The following SHANK2 variants were observed in gnomAD, a reference collection of about 807,000 sequenced individuals.
SHANK2 encodes the protein SH3 and multiple ankyrin repeat domains 2, also known as SH3 and multiple ankyrin repeat domains protein 2.
Under a neutral mutation model 133.7 loss-of-function variants are expected in SHANK2, and 43 were observed. The observed-to-expected ratio is 0.32, with a 90% CI of 0.25 to 0.41. SHANK2 has a LOEUF of 0.41. SHANK2 is among the 10% of genes least tolerant of loss of function. SHANK2 has a pLI of 1.00. For missense variants in SHANK2, 1,994 were observed against 2,235.8 expected (o/e 0.89, Z 2.18); for synonymous variants, 1,017 against 952.8 (o/e 1.07, Z -1.24).
intron 10 of SHANK2, among the ~76,000 whole-genome samples, chr11:70,937,839 G>A (rs1214662372): frequency 6.6e-6 from 1 of 152,030 alleles, no homozygotes; most frequent in East Asian, 1.9e-4. Context: ...CAGTCCCAGA[G>A]GCAGAATCTC....
chr11:70,663,647 AG>A (rs1190177219), intron 15 of SHANK2, among the ~76,000 whole-genome samples: 1 of 152,088 alleles, frequency 6.6e-6, no homozygotes, highest in East Asian at 1.9e-4. Flanking sequence ...AGCAGCTGGG[AG>A]GGGGGTTCTG....
intron 11 of SHANK2, among the ~76,000 whole-genome samples, chr11:70,840,340 C>T (rs565846930): frequency 7.2e-5 from 11 of 152,346 alleles, no homozygotes; most frequent in Non-Finnish European, 1.5e-4. Context: ...GACCCACCTG[C>T]GTGTTCTGGG....
intron 10 of SHANK2, chr11:70,907,633 T>C (rs1192320215): frequency 4.7e-6 from 1 of 212,034 alleles, no homozygotes; most frequent in Non-Finnish European, 9.8e-6. Context: ...AAGGAGATGA[T>C]ATCATGGCTA....
chr11:70,937,014 C>G (rs1950580889), intron 10 of SHANK2, among the ~76,000 whole-genome samples: 1 of 152,178 alleles, frequency 6.6e-6, no homozygotes, highest in Non-Finnish European at 1.5e-5. Flanking sequence ...TCACTGTTAG[C>G]TGTCGCTTTT....
At chr11:70,655,288 T>G (rs551260) in intron 17 of SHANK2, among the ~76,000 whole-genome samples, 58,662 of 152,148 alleles carry the variant, frequency 0.39, 11,768 homozygotes, top group African/African-American at 0.49. Flanking sequence ...TCTTTTTACC[T>G]TTTGCCCATT....
chr11:70,902,478 G>A (rs182318044), intron 10 of SHANK2, among the ~76,000 whole-genome samples: 111 of 152,348 alleles, frequency 7.3e-4, no homozygotes, highest in African/African-American at 2.4e-3. Flanking sequence ...GGGATTTCTC[G>A]CTGTGCCCTT....
intron 8 of SHANK2, among the ~76,000 whole-genome samples, chr11:71,079,556 C>T (rs1012235413): frequency 1.8e-4 from 28 of 151,790 alleles, no homozygotes; most frequent in African/African-American, 5.6e-4. Context: ...GTCAGGAGAT[C>T]GAGACCATCC....
intron 10 of SHANK2, among the ~76,000 whole-genome samples, chr11:70,919,506 C>T (rs1950318617): frequency 6.6e-6 from 1 of 152,116 alleles, no homozygotes; most frequent in African/African-American, 2.4e-5. Context: ...CCTCAGCCTC[C>T]CGAATAGCTG....
intron 17 of SHANK2, among the ~76,000 whole-genome samples, chr11:70,623,539 G>A (rs76759018): frequency 0.02 from 2,976 of 152,340 alleles, 45 homozygotes; most frequent in Non-Finnish European, 0.031. Flanking sequence ...AATATGGGTG[G>A]ACTGGCTGGA....
In SHANK2 at chr11:70,504,776, G is replaced by A. The variant is rs563825748; in HGVS notation, c.2062-1845C>T. 3.3e-5 allele frequency among the ~76,000 whole-genome samples: 5 copies of A among 152,180 alleles called. No individual in the cohort carries two copies. In the East Asian group the frequency reaches 7.7e-4, roughly 24 times the overall value. ...ATTTAGGAAGTAAAGGAGCCGGATC[G>A]AGGAAGACAGCACCGGGAGTTCTCG... is the stretch of plus-strand genomic sequence containing the variant. On this transcript the variant is annotated intron_variant, in intron 17 of 25. Transcript: ENST00000601538.
intron 17 of SHANK2, among the ~76,000 whole-genome samples, chr11:70,519,182 T>C (rs1481213907): frequency 6.6e-6 from 1 of 152,098 alleles, no homozygotes; most frequent in African/African-American, 2.4e-5. Flanking sequence ...GCTAGGATCA[T>C]AGGCATGAGC....
intron 21 of SHANK2, chr11:70,496,913 G>A: frequency 2.2e-6 from 1 of 455,852 alleles, no homozygotes; most frequent in Non-Finnish European, 4.4e-6. Flanking sequence ...AGAGGGTGGG[G>A]CTGGTCATGT....
intron 14 of SHANK2, among the ~76,000 whole-genome samples, chr11:70,788,801 T>C (rs1555047262): frequency 6.6e-6 from 1 of 152,104 alleles, no homozygotes; most frequent in African/African-American, 2.4e-5. Flanking sequence ...GGGTGTCCTA[T>C]AGGAGACAGG....
At chr11:70,591,437 G>A (rs2060319842) in intron 17 of SHANK2, among the ~76,000 whole-genome samples, 1 of 152,076 alleles carries the variant, frequency 6.6e-6, no homozygotes, top group South Asian at 2.1e-4. Context: ...GAAGGAGCCG[G>A]AATCCACAGA....
Position 71,252,252 on chromosome 11 carries a change from C to T in SHANK2, c.-113+173G>A, listed in dbSNP as rs1948198105. Among the ~76,000 whole-genome samples, 1 of 152,238 alleles carries T rather than the reference C, an allele frequency of 6.6e-6. No individual in the cohort carries two copies. The highest frequency in any genetic ancestry group is 2.1e-4 in the South Asian group (1 of 4,830). On this transcript the variant is annotated intron_variant, in intron 1 of 25. Transcript: ENST00000601538. The surrounding 1 kb of genome is among the most constrained non-coding windows in gnomAD (Gnocchi z 6.3). Reference sequence around the variant, plus strand: ...CCCCACCTGGACACGCGGCTCACTCCCCCCAGCGCCCACCTCTCCAGCCTC... The same window carrying T: ...CCCCACCTGGACACGCGGCTCACTCTCCCCAGCGCCCACCTCTCCAGCCTC...
intron 10 of SHANK2, among the ~76,000 whole-genome samples, chr11:70,931,499 G>A (rs1352783457): frequency 6.6e-6 from 1 of 152,218 alleles, no homozygotes; most frequent in Non-Finnish European, 1.5e-5. Context: ...ACAAGTCAGA[G>A]CTGCTGGCGT....
chr11:71,139,714 C>T (rs564184311), intron 3 of SHANK2, among the ~76,000 whole-genome samples: 1 of 152,302 alleles, frequency 6.6e-6, no homozygotes, highest in South Asian at 2.1e-4. Context: ...TGCAGAGAGG[C>T]TGCCCTCCCT....
At chr11:70,645,365 T>A (rs2061245939) in intron 17 of SHANK2, among the ~76,000 whole-genome samples, 1 of 152,008 alleles carries the variant, frequency 6.6e-6, no homozygotes, top group Non-Finnish European at 1.5e-5. Flanking sequence ...GGGATAGGGC[T>A]GGACATGGGG....
At chr11:70,899,210 C>T (rs371808901) in intron 10 of SHANK2, among the ~76,000 whole-genome samples, 4 of 152,114 alleles carry the variant, frequency 2.6e-5, no homozygotes, top group Admixed American at 6.6e-5. Flanking sequence ...AGGGACCCGG[C>T]GGGAGGTAAC....
Sources: allele counts gnomAD v4.1 joint callset (sites outside exome capture counted in the v4.1 genomes callset), GRCh38; gene constraint gnomAD v4.1.1; non-coding constraint Gnocchi (gnomAD v3.1); transcripts MANE v1.5; gene names NCBI Gene and HGNC (gene_info 2026-07-23, HGNC 2026-07-21).